Variants in SPRR4 observed in about 807,000 individuals in gnomAD.
SPRR4 encodes small proline rich protein 4.
For synonymous variants in SPRR4, 30 were observed against 34.3 expected, an observed-to-expected ratio of 0.87 and a Z score of 0.44; for missense variants, 106 against 91.6, an observed-to-expected ratio of 1.16 and a Z score of -0.64.
chr1:152,971,836 C>T, intron 1 of SPRR4, 35 bp from the exon 2 acceptor site: 3 of 1,601,474 alleles, frequency 1.9e-6, no homozygotes, highest in East Asian at 2.2e-5. Flanking sequence ...CTTTTTAACA[C>T]CCTTCTCATG....
upstream of SPRR4, among the ~76,000 whole-genome samples, chr1:152,969,683 G>C (rs1203394121): frequency 6.6e-6 from 1 of 152,164 alleles, no homozygotes; most frequent in African/African-American, 2.4e-5. Flanking sequence ...AATAAAAATA[G>C]AGCCTGCCCA....
chr1:152,969,165 C>T (rs1651760475), upstream of SPRR4, among the ~76,000 whole-genome samples: 1 of 152,230 alleles, frequency 6.6e-6, no homozygotes, highest in South Asian at 2.1e-4. Flanking sequence ...GTATTCCATC[C>T]ACATAAGACA....
At chr1:152,969,776 A>G (rs1230895125), upstream of SPRR4, among the ~76,000 whole-genome samples, 1 of 152,234 alleles carries the variant, frequency 6.6e-6, no homozygotes, top group Non-Finnish European at 1.5e-5. Flanking sequence ...TACTTTTAAA[A>G]TATTCTGTTA....
chr1:152,972,507 T>G lies in SPRR4; in HGVS notation c.*377T>G, dbSNP rs975829010. The G allele has an allele frequency of 7.8e-6, 2 of 255,470 alleles. No individual in the cohort carries two copies. Among genetic ancestry groups the G allele is most frequent in the African/African-American group, 4.5e-5 (2 of 44,432 alleles). 15.8% of individuals were successfully genotyped at this position (255,470 alleles called of 1,614,324 possible). On this transcript the variant is annotated 3_prime_UTR_variant, in exon 2 of 2. Transcript: ENST00000328051. ...GTGCACAGTTTCTGCCTCATTCCTCTCCATGATGCCCCCTGCTCTGGGCTT... is the reference window on the plus strand; with the variant it reads ...GTGCACAGTTTCTGCCTCATTCCTCGCCATGATGCCCCCTGCTCTGGGCTT...
rs1651813614 is a variant in SPRR4 at position 152,970,670 on chromosome 1, C to T, written c.-45C>T. 2.0e-5 allele frequency: 3 copies of T among 152,388 alleles called. No homozygotes were observed. Among genetic ancestry groups the T allele is most frequent in the South Asian group, 2.1e-4 (1 of 4,836 alleles). The allele number at this position is 152,388 out of a possible 1,614,324, so 9.4% of individuals were successfully genotyped here. On this transcript the variant is annotated 5_prime_UTR_variant, in exon 1 of 2. Coordinates refer to ENST00000328051, the MANE Select transcript of SPRR4 (RefSeq NM_173080.3). ...TGTGGACAAGGGCTCAGCCTCCTCT[C>T]CTGGGGTCCAGCTTGTCGCCTCTGG...
rs753022088 is a variant in SPRR4 at position 152,971,889 on chromosome 1, C to A, written c.-2C>A. ...CCTTTAGGCTCACCTGTTCCTAGAG[C>A]AATGTCTTCCCAGCAGCAGCAGCGG... On this transcript the variant is annotated 5_prime_UTR_variant, in exon 2 of 2. Coordinates refer to ENST00000328051, the MANE Select transcript of SPRR4 (RefSeq NM_173080.3). 1 of 1,613,982 alleles carries A rather than the reference C, an allele frequency of 6.2e-7. No homozygotes were observed. The highest frequency in any genetic ancestry group is 1.7e-5 in the Admixed American group (1 of 59,998).
Position 152,971,480 on chromosome 1 carries a change from T to C in SPRR4, c.-20-391T>C, listed in dbSNP as rs74131177. Among the ~76,000 whole-genome samples the C allele has an allele frequency of 2.4e-3, 367 of 152,094 alleles. 3 individuals carry two copies. The highest frequency in any genetic ancestry group is 8.4e-3 in the African/African-American group (350 of 41,506). ...CTGGAACCACTATCCTGTAGCCACA[T>C]AGGACTTGCCTTAGTCTCCCATGGT... On this transcript the variant is annotated intron_variant, in intron 1 of 1. Transcript: ENST00000328051.
chr1:152,971,782 G>A, intron 1 of SPRR4, 89 bp from the exon 2 acceptor site: 1 of 1,500,302 alleles, frequency 6.7e-7, no homozygotes, highest in South Asian at 1.3e-5. Flanking sequence ...AAAATGTCTG[G>A]GCTACTTTTT....
Position 152,971,966 on chromosome 1 carries a change from C to T in SPRR4, c.76C>T (p.Pro26Ser). The T allele has an allele frequency of 6.2e-7, 1 of 1,614,102 alleles. No homozygotes were observed. The highest frequency in any genetic ancestry group is 8.5e-7 in the Non-Finnish European group (1 of 1,180,024). Residue 26 changes from proline to serine, a missense_variant, in exon 2 of 2, where the codon CCT becomes TCT. Coordinates refer to ENST00000328051, the MANE Select transcript of SPRR4 (RefSeq NM_173080.3). The part of the protein sequence containing the change: ...QRAQQQQVKQ[P>S]CQPPPVKCQE... Reference sequence around the variant, plus strand: ...GGCCCAGCAGCAGCAAGTGAAGCAGCCTTGTCAGCCACCCCCTGTTAAATG... The same window carrying T: ...GGCCCAGCAGCAGCAAGTGAAGCAGTCTTGTCAGCCACCCCCTGTTAAATG...
chr1:152,972,427 A>G lies in SPRR4; in HGVS notation c.*297A>G. 1 of 426,588 alleles carries G rather than the reference A, an allele frequency of 2.3e-6. No homozygotes were observed. Among genetic ancestry groups the G allele is most frequent in the Admixed American group, 3.9e-5 (1 of 25,432 alleles). The allele number at this position is 426,588 out of a possible 1,614,324, so 26.4% of individuals were successfully genotyped here. A position where few individuals can be genotyped will look rare whatever the true frequency, so the allele number is the denominator to read the frequency against. Reference sequence around the variant, plus strand: ...GCCCATCCATTTCCCAAAGTGAGGAAAGTGTCTGGGCTTCTTCTGGGGTTC... The same window carrying G: ...GCCCATCCATTTCCCAAAGTGAGGAGAGTGTCTGGGCTTCTTCTGGGGTTC... On this transcript the variant is annotated 3_prime_UTR_variant, in exon 2 of 2. Transcript: ENST00000328051.
chr1:152,971,721 C>A, intron 1 of SPRR4, 150 bp from the exon 2 acceptor site: 1 of 1,061,446 alleles, frequency 9.4e-7, no homozygotes, highest in Non-Finnish European at 1.4e-6. Flanking sequence ...CAAAGGGAGC[C>A]AGTTGACATT....
At chr1:152,968,982 C>CT (rs1651756430), upstream of SPRR4, among the ~76,000 whole-genome samples, 1 of 152,154 alleles carries the variant, frequency 6.6e-6, no homozygotes, top group African/African-American at 2.4e-5. Flanking sequence ...GAAGTGAGGG[C>CT]TGCAGGTGGA....
At chr1:152,971,353 C>A (rs1404290858) in intron 1 of SPRR4, among the ~76,000 whole-genome samples, 1 of 152,034 alleles carries the variant, frequency 6.6e-6, no homozygotes. Flanking sequence ...AATGTCTGAG[C>A]CTTCTTGGCT....
chr1:152,970,452 A>G (rs1345462363), upstream of SPRR4, among the ~76,000 whole-genome samples: 1 of 152,236 alleles, frequency 6.6e-6, no homozygotes, highest in Non-Finnish European at 1.5e-5. Flanking sequence ...AAATCAGCTC[A>G]GGTGCAGAGA....
At chr1:152,969,002 C>G (rs565485936), upstream of SPRR4, among the ~76,000 whole-genome samples, 22 of 152,266 alleles carry the variant, frequency 1.4e-4, no homozygotes, top group Non-Finnish European at 2.8e-4. Context: ...AGATGGTGTT[C>G]TTCTTGGAGG....
intron 1 of SPRR4, among the ~76,000 whole-genome samples, chr1:152,971,165 C>T (rs1010421553): frequency 2.0e-5 from 3 of 152,070 alleles, no homozygotes; most frequent in Non-Finnish European, 4.4e-5. Flanking sequence ...CCTGCACTTC[C>T]CATCTATAAT....
At position 152,972,489 on chromosome 1, in the gene SPRR4, G is replaced by A; in HGVS notation, c.*359G>A. On this transcript the variant is annotated 3_prime_UTR_variant, in exon 2 of 2. Transcript: ENST00000328051. ...GTAGGGTCACAGAGGCTGGTGCACA[G>A]TTTCTGCCTCATTCCTCTCCATGAT... is the stretch of plus-strand genomic sequence containing the variant. 3.5e-6 allele frequency: 1 copy of A among 285,012 alleles called. No homozygotes were observed. The highest frequency in any genetic ancestry group is 7.1e-6 in the Non-Finnish European group (1 of 140,988). The allele number at this position is 285,012 out of a possible 1,614,324, so 17.7% of individuals were successfully genotyped here.
chr1:152,971,598 ACAC>A lies in SPRR4; in HGVS notation c.-20-272_-20-270del, dbSNP rs1246760399. On this transcript the variant is annotated intron_variant, in intron 1 of 1. Transcript: ENST00000328051. Reference sequence around the variant, plus strand: ...ATCTCTCACACACACACACACACACACACACACACACACACTCACACACACACC... The same window carrying A: ...ATCTCTCACACACACACACACACACAACACACACACACTCACACACACACC... Among the ~76,000 whole-genome samples, 8 of 151,072 alleles carry A rather than the reference ACAC, an allele frequency of 5.3e-5. No individual in the cohort carries two copies. The East Asian group carries it at 9.8e-4, about 18-fold the overall frequency.
In SPRR4 at chr1:152,972,086, A is replaced by T. The variant is rs1651866528; in HGVS notation, c.196A>T (p.Lys66Ter). 1 of 1,613,862 alleles carries T rather than the reference A, an allele frequency of 6.2e-7. No homozygotes were observed. Among genetic ancestry groups the T allele is most frequent in the Non-Finnish European group, 8.5e-7 (1 of 1,179,948 alleles). The change falls in exon 2 of 2, where the codon AAG becomes TAG. Residue 66 changes from lysine to a stop codon, truncating the protein, a stop_gained. Transcript: ENST00000328051. LOFTEE classifies it high-confidence loss of function. Reference protein sequence around the residue: ...PKGTIIPAQQKCPSAQQASKS... With the variant: ...PKGTIIPAQQ ...AGGCACCATCATTCCAGCCCAGCAG[A>T]AGTGTCCCTCAGCCCAGCAAGCCTC... is the stretch of plus-strand genomic sequence containing the variant.
Sources: gnomAD v4.1 joint callset for allele counts (sites outside exome capture counted in the v4.1 genomes callset) on GRCh38, gnomAD v4.1.1 for gene constraint, MANE v1.5 for transcripts, NCBI Gene and HGNC (gene_info 2026-07-23, HGNC 2026-07-21) for gene names.